Variants in SERP2 observed in about 807,000 individuals in gnomAD.
SERP2 encodes the protein stress-associated endoplasmic reticulum protein 2.
A neutral mutation model predicts 9.1 loss-of-function variants in SERP2; 6 were observed. That is an observed-to-expected ratio of 0.66 (90% CI 0.36 to 1.30). The LOEUF (loss-of-function observed/expected upper bound fraction) is 1.30. Ranked by LOEUF, SERP2 falls within the 50% of genes most tolerant of loss-of-function variation. The pLI is 0.03. For synonymous variants in SERP2, 37 were observed against 27.3 expected (o/e 1.35, Z -1.10); for missense variants, 58 against 81.9 (o/e 0.71, Z 1.13).
At chr13:44,395,030 T>G (rs192842757) in intron 2 of SERP2, among the ~76,000 whole-genome samples, 1 of 152,338 alleles carries the variant, frequency 6.6e-6, no homozygotes, top group East Asian at 1.9e-4. Context: ...TCAACCCAAT[T>G]CCATCTGATC....
intron 1 of SERP2, 56 bp from the exon 2 acceptor site, chr13:44,379,585 A>G: frequency 7.3e-7 from 1 of 1,362,518 alleles, no homozygotes. Context: ...GTGATACTCA[A>G]ATAATTGTTT....
Position 44,373,967 on chromosome 13 carries a change from C to G in SERP2, c.-59C>G. The stretch of plus-strand genomic sequence containing the variant: ...CTCGGCGGGACGCGCTCGGCCCTGT[C>G]GCAGGAGCTAACGCAGGGGGAATCC... On this transcript the variant is annotated 5_prime_UTR_variant, in exon 1 of 3. Coordinates refer to ENST00000379179, the MANE Select transcript of SERP2 (RefSeq NM_001010897.3). This position sits in a 1 kb window ranked among gnomAD's most constrained non-coding sequence, Gnocchi z 4.8. 6.8e-7 allele frequency: 1 copy of G among 1,477,082 alleles called. No homozygotes were observed. 91.5% of individuals were successfully genotyped at this position (1,477,082 alleles called of 1,614,324 possible). A position where few individuals can be genotyped will look rare whatever the true frequency, so the allele number is the denominator to read the frequency against.
intron 2 of SERP2, among the ~76,000 whole-genome samples, chr13:44,382,523 C>T (rs1872052287): frequency 6.6e-6 from 1 of 151,542 alleles, no homozygotes; most frequent in African/African-American, 2.4e-5. Context: ...GAAAATAAAC[C>T]TGTACAAAAA....
At chr13:44,374,171 TGGGGGCGGGGCC>T (rs1871490873) in intron 1 of SERP2, 62 bp downstream of exon 1, 395 of 93,514 alleles carry the variant, frequency 4.2e-3, no homozygotes, top group Non-Finnish European at 6.3e-3. Flanking sequence ...GGGCGGAAGG[TGGGGGCGGGGCC>T]GGGCGGGTAG....
At chr13:44,376,927 G>A (rs1871690963) in intron 1 of SERP2, among the ~76,000 whole-genome samples, 2 of 152,312 alleles carry the variant, frequency 1.3e-5, no homozygotes, top group South Asian at 4.1e-4. Flanking sequence ...CATTTTTGGA[G>A]CCTCAAGAAG....
rs563727071 is a variant in SERP2 at position 44,382,386 on chromosome 13, G to A, written c.157+2673G>A. ...AGGGAGGTGGAGCTTGCAGTGAGCCGAGATTGTGCCACTGCACTCCAGCCT... is the reference window on the plus strand; with the variant it reads ...AGGGAGGTGGAGCTTGCAGTGAGCCAAGATTGTGCCACTGCACTCCAGCCT... On this transcript the variant is annotated intron_variant, in intron 2 of 2. Transcript: ENST00000379179. Among the ~76,000 whole-genome samples the A allele has an allele frequency of 2.0e-3, 275 of 134,410 alleles. 1 individual carries two copies. Among genetic ancestry groups the A allele is most frequent in the African/African-American group, 5.0e-3 (182 of 36,472 alleles). 88.2% of individuals were successfully genotyped at this position (134,410 alleles called of 152,430 possible). A position where few individuals can be genotyped will look rare whatever the true frequency, so the allele number is the denominator to read the frequency against.
rs1871465390 is a variant in SERP2, at chr13:44,374,035, A to C, written c.10A>C (p.Lys4Gln). ...TCAGAGCGCACAAGCCATGGTGGCC[A>C]AACAGCGGATCCGGATGGCTAACGA... MVAKQRIRMANEKH... is the reference protein window; with the variant it reads MVAQQRIRMANEKH... The change falls in exon 1 of 3, where the codon AAA becomes CAA. Residue 4 changes from lysine to glutamine, a missense_variant. Coordinates refer to ENST00000379179, the MANE Select transcript of SERP2 (RefSeq NM_001010897.3). 3 of 1,593,564 alleles carry C rather than the reference A, an allele frequency of 1.9e-6. No homozygotes were observed. Among genetic ancestry groups the C allele is most frequent in the African/African-American group, 1.4e-5 (1 of 72,082 alleles).
At chr13:44,382,436 CAAAAAAAAAAAAA>C (rs71202274) in intron 2 of SERP2, among the ~76,000 whole-genome samples, 1 of 45,666 alleles carries the variant, frequency 2.2e-5, no homozygotes, top group Non-Finnish European at 3.8e-5. Flanking sequence ...GACTCCGTCT[CAAAAAAAAAAAAA>C]AAAAAAAAAG....
At chr13:44,381,932 T>A (rs1399951081) in intron 2 of SERP2, among the ~76,000 whole-genome samples, 2 of 152,122 alleles carry the variant, frequency 1.3e-5, no homozygotes, top group African/African-American at 4.8e-5. Context: ...GAGACAGTGT[T>A]TATTTTTCAT....
At chr13:44,374,230 C>T (rs1871499279) in intron 1 of SERP2, 121 bp downstream of exon 1, 1 of 661,504 alleles carries the variant, frequency 1.5e-6, no homozygotes, top group Non-Finnish European at 2.3e-6. Flanking sequence ...CCGGCCCGCC[C>T]CTTCTGCGGG....
At chr13:44,375,094 A>G (rs1323316493) in intron 1 of SERP2, among the ~76,000 whole-genome samples, 4 of 152,150 alleles carry the variant, frequency 2.6e-5, no homozygotes, top group Non-Finnish European at 5.9e-5. Flanking sequence ...CAAGTATATG[A>G]GCAAAGGCGC....
intron 2 of SERP2, among the ~76,000 whole-genome samples, chr13:44,396,721 C>T (rs1018693195): frequency 6.6e-6 from 1 of 152,152 alleles, no homozygotes; most frequent in Non-Finnish European, 1.5e-5. Flanking sequence ...AAATAAGTGC[C>T]GCTCTCCATA....
At chr13:44,381,412 C>T (rs1227143238) in intron 2 of SERP2, among the ~76,000 whole-genome samples, 8 of 151,892 alleles carry the variant, frequency 5.3e-5, no homozygotes, top group Non-Finnish European at 7.4e-5. Context: ...CATGGTGGCA[C>T]GCGCCTGTAG....
intron 2 of SERP2, among the ~76,000 whole-genome samples, chr13:44,380,427 C>G (rs1212557069): frequency 6.6e-6 from 1 of 152,130 alleles, no homozygotes; most frequent in Non-Finnish European, 1.5e-5. Context: ...GGCAGGGAGG[C>G]AGAAGGTCCA....
At chr13:44,396,114 G>A (rs1331333488) in intron 2 of SERP2, 7 of 184,114 alleles carry the variant, frequency 3.8e-5, no homozygotes, top group Admixed American at 1.2e-4. Flanking sequence ...GTTTTTACGG[G>A]GAAAAAAAGC....
chr13:44,380,105 CTCCTAGATACAACT>C (rs1183800040), intron 2 of SERP2, among the ~76,000 whole-genome samples: 2 of 152,124 alleles, frequency 1.3e-5, no homozygotes, highest in African/African-American at 2.4e-5. Context: ...TTCTGCAGAG[CTCCTAGATACAACT>C]TCCTAGATAC....
chr13:44,379,192 T>C (rs930877891), intron 1 of SERP2, among the ~76,000 whole-genome samples: 1 of 152,218 alleles, frequency 6.6e-6, no homozygotes, highest in African/African-American at 2.4e-5. Flanking sequence ...ATCCCAGCTC[T>C]TGCTCAAGTT....
In SERP2 at chr13:44,397,439, C is replaced by T. The variant is rs1225316800; in HGVS notation, c.*127C>T. 35 of 726,296 alleles carry T rather than the reference C, an allele frequency of 4.8e-5. No individual in the cohort carries two copies. In the Middle Eastern group the frequency reaches 1.1e-3, roughly 23 times the overall value. 45.0% of individuals were successfully genotyped at this position (726,296 alleles called of 1,614,324 possible). ...GAAAAAAACGCTCCCCCACTTGTTC[C>T]CTGATCACTTCATCGTGGATGTCAG... On this transcript the variant is annotated 3_prime_UTR_variant, in exon 3 of 3. Transcript: ENST00000379179.
At chr13:44,390,260 C>T (rs1170551857) in intron 2 of SERP2, 3 of 337,482 alleles carry the variant, frequency 8.9e-6, no homozygotes, top group Non-Finnish European at 1.2e-5. Context: ...AAGACTTGAC[C>T]CAGCCACAGG....
Sources: allele counts gnomAD v4.1 joint callset (sites outside exome capture counted in the v4.1 genomes callset), GRCh38; gene constraint gnomAD v4.1.1; non-coding constraint Gnocchi (gnomAD v3.1); transcripts MANE v1.5; gene names NCBI Gene and HGNC (gene_info 2026-07-23, HGNC 2026-07-21).